Variants in ST6GAL2 observed in about 807,000 individuals in gnomAD.
ST6GAL2 encodes beta-galactoside alpha-2,6-sialyltransferase 2.
A neutral mutation model predicts 37.5 loss-of-function variants in ST6GAL2; 24 were observed. The observed-to-expected ratio is 0.64, with a 90% CI of 0.46 to 0.90. ST6GAL2 has a LOEUF of 0.90. ST6GAL2 is among the 40% of genes least tolerant of loss of function. The probability of loss-of-function intolerance (pLI) is 0.00; values close to 1 mark genes in which losing one functional copy is unlikely to be tolerated. For missense variants in ST6GAL2, 715 were observed against 712.7 expected, an observed-to-expected ratio of 1.00 and a Z score of -0.04; for synonymous variants, 306 against 295.1, an observed-to-expected ratio of 1.04 and a Z score of -0.38.
intron 4 of ST6GAL2, among the ~76,000 whole-genome samples, chr2:106,831,644 G>C (rs912106641): frequency 2.0e-5 from 3 of 152,170 alleles, no homozygotes; most frequent in African/African-American, 4.8e-5. Context: ...AGGTGATTTT[G>C]ACTTGCACTC....
At chr2:106,884,950 C>CACACAT (rs1678915639) in intron 1 of ST6GAL2, among the ~76,000 whole-genome samples, 1 of 125,968 alleles carries the variant, frequency 7.9e-6, no homozygotes, top group African/African-American at 3.0e-5. Context: ...CACACACACA[C>CACACAT]ATATATACAT....
intron 5 of ST6GAL2, among the ~76,000 whole-genome samples, chr2:106,818,624 C>A (rs1019992000): frequency 4.6e-5 from 7 of 152,064 alleles, no homozygotes; most frequent in African/African-American, 7.2e-5. Flanking sequence ...AGGTTAGATA[C>A]AAACAAGCCC....
At chr2:106,842,000 C>CTCA (rs1427279778) in intron 2 of ST6GAL2, among the ~76,000 whole-genome samples, 1 of 152,160 alleles carries the variant, frequency 6.6e-6, no homozygotes, top group Non-Finnish European at 1.5e-5. Context: ...AATCACTAGA[C>CTCA]TTTGAGAAAA....
At chr2:106,823,425 T>C (rs12053447) in intron 5 of ST6GAL2, among the ~76,000 whole-genome samples, 20,787 of 138,748 alleles carry the variant, frequency 0.15, 2,066 homozygotes, top group East Asian at 0.51. Flanking sequence ...TTTATTGCTT[T>C]CCTTTTCCCA....
upstream of ST6GAL2, chr2:106,887,240 G>C (rs1215321951): frequency 6.6e-6 from 1 of 152,290 alleles, no homozygotes; most frequent in African/African-American, 2.4e-5. Context: ...CGGCTCGCTA[G>C]CTCCCTTTGT....
At chr2:106,871,159 T>C (rs76494212) in intron 1 of ST6GAL2, among the ~76,000 whole-genome samples, 2,382 of 152,272 alleles carry the variant, frequency 0.016, 54 homozygotes, top group African/African-American at 0.051. Flanking sequence ...TGTGACACAA[T>C]GGTATTTGTG....
intron 5 of ST6GAL2, chr2:106,812,956 T>C (rs1424046530): frequency 1.0e-6 from 1 of 958,748 alleles, no homozygotes; most frequent in African/African-American, 1.7e-5. Context: ...TTATCACTAA[T>C]GAAAGTTTTA....
intron 1 of ST6GAL2, 137 bp from the exon 2 acceptor site, chr2:106,844,171 A>C (rs1677054265): frequency 4.0e-6 from 2 of 505,038 alleles, no homozygotes; most frequent in South Asian, 8.2e-5. Flanking sequence ...AGAATCATCC[A>C]GGAGTTTTAG....
chr2:106,850,189 G>A (rs1677301187), intron 1 of ST6GAL2, among the ~76,000 whole-genome samples: 1 of 152,134 alleles, frequency 6.6e-6, no homozygotes, highest in African/African-American at 2.4e-5. Flanking sequence ...ATGACATATG[G>A]GAAAGGAAGG....
intron 5 of ST6GAL2, among the ~76,000 whole-genome samples, chr2:106,824,704 T>C (rs528868011): frequency 3.9e-5 from 6 of 152,292 alleles, no homozygotes; most frequent in Admixed American, 3.3e-4. Flanking sequence ...TTTCAAAAGA[T>C]GAAAATATAC....
chr2:106,843,193 C>G lies in ST6GAL2; in HGVS notation c.785G>C (p.Arg262Pro). 2 of 1,545,772 alleles carry G rather than the reference C, an allele frequency of 1.3e-6. No homozygotes were observed. The highest frequency in any genetic ancestry group is 1.7e-6 in the Non-Finnish European group (2 of 1,145,952). ...GGGCGCCTCGGTGCCGTCCAGCGTC[C>G]GCACGCGCGCGCGGCTCCGCAGCTG... Reference protein sequence around the residue: ...LCQLRSRARVRTLDGTEAPFS... With the variant: ...LCQLRSRARVPTLDGTEAPFS... The change falls in exon 2 of 6, where the codon CGG becomes CCG. Residue 262 changes from arginine (R) to proline (P), a missense_variant. By Grantham distance (103) the Arg-to-Pro change is moderately radical (BLOSUM62 -2). Around this residue, in one of 3 missense-constraint regions of ST6GAL2, gnomAD observed 512 missense variants for 488.8 expected, o/e 1.05. Coordinates refer to ENST00000409382, the MANE Select transcript of ST6GAL2 (RefSeq NM_001142351.2).
Position 106,843,512 on chromosome 2 carries a change from GCTCC to G in ST6GAL2, c.462_465del (p.Glu155GlnfsTer18). The G allele has an allele frequency of 6.2e-7, 1 of 1,614,048 alleles. No homozygotes were observed. The highest frequency in any genetic ancestry group is 8.5e-7 in the Non-Finnish European group (1 of 1,180,016). ...GGAAAAGCCCCCTCCCGTGGGCCTG[GCTCC>G]CCGGGGGAAGGGAATCCCAATGTCC... is the stretch of plus-strand genomic sequence containing the variant. On this transcript the variant is annotated frameshift_variant, in exon 2 of 6. Transcript: ENST00000409382. LOFTEE classifies it high-confidence loss of function.
In ST6GAL2 at chr2:106,874,483, C is replaced by T. The variant is rs145210840; in HGVS notation, c.-58+11610G>A. On this transcript the variant is annotated intron_variant, in intron 1 of 5. Transcript: ENST00000409382. ...ATGGCAGTGTTCGGTATGCAATGGA[C>T]GACGACTGGGGAATCTAAGGAGAAG... Among the ~76,000 whole-genome samples the T allele has an allele frequency of 5.3e-3, 805 of 152,096 alleles. 5 individuals carry two copies. Among genetic ancestry groups the T allele is most frequent in the African/African-American group, 0.018 (755 of 41,486 alleles).
intron 5 of ST6GAL2, among the ~76,000 whole-genome samples, chr2:106,823,973 G>A (rs1676106607): frequency 6.6e-6 from 1 of 152,152 alleles, no homozygotes. Context: ...ATCACCTTGA[G>A]GGTTAGAATT....
rs75382823 is a variant in ST6GAL2 at position 106,812,744 on chromosome 2, G to A, written c.1319-5795C>T. 6.2e-3 allele frequency among the ~76,000 whole-genome samples: 950 copies of A among 152,238 alleles called. 5 individuals carry two copies. The highest frequency in any genetic ancestry group is 0.022 in the African/African-American group (916 of 41,532). On this transcript the variant is annotated intron_variant, in intron 5 of 5. Coordinates refer to ENST00000409382, the MANE Select transcript of ST6GAL2 (RefSeq NM_001142351.2). ...ATTTCCCCATGCCAGACTGATGTGG[G>A]GAATTTACATCTGGTTATGCTAAAA...
intron 2 of ST6GAL2, among the ~76,000 whole-genome samples, chr2:106,840,601 CTAAT>C (rs1676837256): frequency 2.0e-5 from 3 of 152,182 alleles, no homozygotes; most frequent in Non-Finnish European, 4.4e-5. Flanking sequence ...TTCTACAGTT[CTAAT>C]CATAAAGGCT....
chr2:106,856,322 C>T (rs1340769592), intron 1 of ST6GAL2, among the ~76,000 whole-genome samples: 1 of 152,166 alleles, frequency 6.6e-6, no homozygotes, highest in African/African-American at 2.4e-5. Context: ...CTTCTCACTC[C>T]ACCTTTTAAT....
chr2:106,811,948 C>T (rs1351655753), intron 5 of ST6GAL2, among the ~76,000 whole-genome samples: 1 of 152,148 alleles, frequency 6.6e-6, no homozygotes, highest in South Asian at 2.1e-4. Flanking sequence ...AGAATCCACT[C>T]CCAGGGAGTG....
intron 1 of ST6GAL2, among the ~76,000 whole-genome samples, chr2:106,852,415 T>A (rs963300486): frequency 6.6e-6 from 1 of 152,148 alleles, no homozygotes; most frequent in African/African-American, 2.4e-5. Flanking sequence ...GGTTGAGGCA[T>A]AAGTTTAAAA....
Sources: allele counts gnomAD v4.1 joint callset (sites outside exome capture counted in the v4.1 genomes callset), GRCh38; gene constraint gnomAD v4.1.1; regional missense constraint gnomAD v4.1.1; transcripts MANE v1.5; gene names NCBI Gene and HGNC (gene_info 2026-07-23, HGNC 2026-07-21).